Variants in CLNK observed in about 807,000 individuals in gnomAD.
CLNK encodes cytokine dependent hematopoietic cell linker.
A neutral mutation model predicts 68.6 loss-of-function variants in CLNK; 74 were observed. The observed-to-expected ratio is 1.08, with a 90% confidence interval of 0.89 to 1.31. The LOEUF (loss-of-function observed/expected upper bound fraction) is 1.31, where lower values mean the gene tolerates loss of function less well. Among genes scored for constraint, CLNK ranks in the 50% most tolerant of loss-of-function variants. CLNK has a pLI of 0.00. For missense variants in CLNK, 553 were observed against 515.3 expected (o/e 1.07, Z -0.71); for synonymous variants, 198 against 172.2 (o/e 1.15, Z -1.17).
At chr4:10,583,443 T>A (rs1720860315) in intron 4 of CLNK, among the ~76,000 whole-genome samples, 1 of 152,078 alleles carries the variant, frequency 6.6e-6, no homozygotes, top group East Asian at 1.9e-4. Flanking sequence ...CCCACCATCA[T>A]GCCCAGATAA....
intron 2 of CLNK, among the ~76,000 whole-genome samples, chr4:10,648,622 C>T (rs193088654): frequency 3.8e-4 from 58 of 152,116 alleles, no homozygotes; most frequent in Non-Finnish European, 5.6e-4. Flanking sequence ...TTTCTTTTTC[C>T]GATGAAGAAA....
Position 10,487,288 on chromosome 4 carries a change from C to T in CLNK, c.*3179G>A, listed in dbSNP as rs931718553. The T allele has an allele frequency of 7.9e-5, 12 of 152,144 alleles. No individual in the cohort carries two copies. The highest frequency in any genetic ancestry group is 4.6e-4 in the Admixed American group (7 of 15,274). The allele number at this position is 152,144 out of a possible 1,614,324, so 9.4% of individuals were successfully genotyped here. On this transcript the variant is annotated 3_prime_UTR_variant, in exon 19 of 19. Transcript: ENST00000226951. ...TGCATATGGAGACCTTGGTTCCAGT[C>T]GCGACTATGTCACTGTGAGATTTTG...
intron 1 of CLNK, among the ~76,000 whole-genome samples, chr4:10,681,124 A>G (rs1390588836): frequency 6.6e-6 from 1 of 152,212 alleles, no homozygotes; most frequent in Non-Finnish European, 1.5e-5. Flanking sequence ...GTGCTCAACA[A>G]GCTACTGCCC....
chr4:10,698,282 C>G, the CLNK span, among the ~76,000 whole-genome samples: 1 of 152,060 alleles, frequency 6.6e-6, no homozygotes. Context: ...AAACATTATT[C>G]TTAATACATT....
intron 6 of CLNK, 136 bp downstream of exon 6, chr4:10,565,873 G>T: frequency 1.1e-6 from 1 of 874,428 alleles, no homozygotes; most frequent in Non-Finnish European, 1.7e-6. Flanking sequence ...ACTTTCTCAA[G>T]GTCACACAGC....
chr4:10,513,234 T>C (rs375674655), intron 16 of CLNK, among the ~76,000 whole-genome samples: 69 of 152,292 alleles, frequency 4.5e-4, no homozygotes, highest in Admixed American at 9.8e-4. Context: ...CTTTAGAATC[T>C]GGAAACATGC....
intron 2 of CLNK, among the ~76,000 whole-genome samples, chr4:10,666,236 C>T (rs544841309): frequency 9.4e-4 from 143 of 152,286 alleles, no homozygotes; most frequent in African/African-American, 3.1e-3. Context: ...GAATAGATTC[C>T]CAGTATTTGA....
chr4:10,654,162 T>A (rs1053473098), intron 2 of CLNK, among the ~76,000 whole-genome samples: 2 of 151,908 alleles, frequency 1.3e-5, no homozygotes, highest in African/African-American at 4.8e-5. Flanking sequence ...TTACAGGCCA[T>A]TCTCATTAAT....
At chr4:10,576,975 T>A (rs1245871683) in intron 4 of CLNK, among the ~76,000 whole-genome samples, 4 of 152,130 alleles carry the variant, frequency 2.6e-5, no homozygotes, top group African/African-American at 9.7e-5. Flanking sequence ...AGGGACAGGG[T>A]AGCTGGTGGA....
chr4:10,638,362 A>G (rs753833640), intron 2 of CLNK, among the ~76,000 whole-genome samples: 2 of 152,188 alleles, frequency 1.3e-5, no homozygotes, highest in Non-Finnish European at 2.9e-5. Flanking sequence ...CTCTGGGAAA[A>G]CAGCATGCAC....
At chr4:10,571,802 G>C (rs369003388) in intron 4 of CLNK, 24 bp from the exon 5 acceptor site, 1 of 1,603,516 alleles carries the variant, frequency 6.2e-7, no homozygotes. Flanking sequence ...CAGACCGAGT[G>C]TTATTTTAAT....
intron 18 of CLNK, among the ~76,000 whole-genome samples, chr4:10,491,769 A>AT (rs905595290): frequency 4.4e-4 from 55 of 124,666 alleles, no homozygotes; most frequent in East Asian, 9.9e-4. Flanking sequence ...ATATATAGTA[A>AT]TTTTTTTTTT....
At chr4:10,728,080 T>A in the CLNK span, among the ~76,000 whole-genome samples, 1 of 152,172 alleles carries the variant, frequency 6.6e-6, no homozygotes, top group African/African-American at 2.4e-5. Flanking sequence ...TATTTGGTTG[T>A]CAGAACTGGG....
intron 2 of CLNK, among the ~76,000 whole-genome samples, chr4:10,614,722 T>TTA (rs1722162333): frequency 6.6e-6 from 1 of 152,246 alleles, no homozygotes; most frequent in African/African-American, 2.4e-5. Flanking sequence ...TTTATTTCTC[T>TTA]TATCTGCAAT....
intron 3 of CLNK, among the ~76,000 whole-genome samples, chr4:10,596,651 G>A (rs931043877): frequency 1.3e-5 from 2 of 151,666 alleles, no homozygotes; most frequent in East Asian, 1.9e-4. Context: ...AATATGCAGT[G>A]GTATAGAGAT....
chr4:10,650,668 G>T (rs190863385), intron 2 of CLNK, among the ~76,000 whole-genome samples: 1 of 152,044 alleles, frequency 6.6e-6, no homozygotes, highest in East Asian at 1.9e-4. Context: ...AGAAAATAAA[G>T]GCTTTTTTAG....
At chr4:10,508,066 T>G in intron 16 of CLNK, 30 bp from the exon 17 acceptor site, 1 of 1,549,908 alleles carries the variant, frequency 6.5e-7, no homozygotes, top group Non-Finnish European at 8.8e-7. Flanking sequence ...ATAAATATTT[T>G]AGGGTCAATG....
rs570640124 is a variant in CLNK at position 10,486,457 on chromosome 4, T to C, written c.*4010A>G. 6 of 152,336 alleles carry C rather than the reference T, an allele frequency of 3.9e-5. No individual in the cohort carries two copies. The highest frequency in any genetic ancestry group is 1.4e-4 in the African/African-American group (6 of 41,578). The allele number at this position is 152,336 out of a possible 1,614,324, so 9.4% of individuals were successfully genotyped here. On this transcript the variant is annotated 3_prime_UTR_variant, in exon 19 of 19. Coordinates refer to ENST00000226951, the MANE Select transcript of CLNK (RefSeq NM_052964.4). Reference sequence around the variant, plus strand: ...TAAGGCTGTAAATTATGAATGTAAATGTGCTTAGCTAGAACAAATATTGCT... The same window carrying C: ...TAAGGCTGTAAATTATGAATGTAAACGTGCTTAGCTAGAACAAATATTGCT...
At position 10,571,720 on chromosome 4, in the gene CLNK, T is replaced by C. The variant is rs765267331; in HGVS notation, c.150+21A>G. 2.5e-6 allele frequency: 4 copies of C among 1,598,364 alleles called. No homozygotes were observed. The African/African-American group carries it at 5.4e-5, about 21-fold the overall frequency. On this transcript the variant is annotated intron_variant, in intron 5 of 18. Coordinates refer to ENST00000226951, the MANE Select transcript of CLNK (RefSeq NM_052964.4). ...CAATATTAAAGACGTATAAAATAGA[T>C]AAGGGAAGCAGCTGACTTACCCAGT...
Sources: gnomAD v4.1 joint callset for allele counts (sites outside exome capture counted in the v4.1 genomes callset) on GRCh38, gnomAD v4.1.1 for gene constraint, MANE v1.5 for transcripts, NCBI Gene and HGNC (gene_info 2026-07-23, HGNC 2026-07-21) for gene names.